UVRAG: variants seen among roughly 807,000 people sequenced by gnomAD.
UVRAG encodes UV radiation resistance associated, also known as UV radiation resistance-associated gene protein.
In UVRAG, 19 loss-of-function variants were observed where a neutral mutation model predicts 78.0. The ratio of observed to expected loss-of-function variants is 0.24; its 90% CI spans 0.17 to 0.36. The LOEUF is 0.36. UVRAG is among the 10% of genes least tolerant of loss of function. UVRAG has a pLI of 1.00. For synonymous variants in UVRAG, 323 were observed against 324.6 expected, an observed-to-expected ratio of 1.00 and a Z score of 0.05; for missense variants, 740 against 853.8, an observed-to-expected ratio of 0.87 and a Z score of 1.66.
intron 14 of UVRAG, among the ~76,000 whole-genome samples, chr11:76,117,166 C>A (rs2134469999): frequency 6.6e-6 from 1 of 152,276 alleles, no homozygotes; most frequent in Non-Finnish European, 1.5e-5. Flanking sequence ...AAAGCTCAAG[C>A]CCTGTCCCCA....
At chr11:76,071,491 A>C (rs929366081) in intron 13 of UVRAG, among the ~76,000 whole-genome samples, 2 of 152,172 alleles carry the variant, frequency 1.3e-5, no homozygotes, top group Non-Finnish European at 2.9e-5. Context: ...TTCTAAATAC[A>C]AAGGGAAACC....
chr11:75,815,243 ACGGCGGCAG>A lies in UVRAG; in HGVS notation c.-148_-140del, dbSNP rs770357399. 542 of 451,218 alleles carry A rather than the reference ACGGCGGCAG, an allele frequency of 1.2e-3. No individual in the cohort carries two copies. Among genetic ancestry groups the A allele is most frequent in the African/African-American group, 4.0e-3 (196 of 48,830 alleles). The allele number at this position is 451,218 out of a possible 1,614,324, so 28.0% of individuals were successfully genotyped here. On this transcript the variant is annotated 5_prime_UTR_variant, in exon 1 of 15. Coordinates refer to ENST00000356136, the MANE Select transcript of UVRAG (RefSeq NM_003369.4). Reference sequence around the variant, plus strand: ...GGCTCTTCCTTAGCCAGCGGCGGCAACGGCGGCAGCGGCGGCAGCGGCGGCGGCTACTGT... The same window carrying A: ...GGCTCTTCCTTAGCCAGCGGCGGCAACGGCGGCAGCGGCGGCGGCTACTGT...
In UVRAG at chr11:76,008,803, A is replaced by G; in HGVS notation, c.1000-4A>G. 1 of 1,438,520 alleles carries G rather than the reference A, an allele frequency of 7.0e-7. No individual in the cohort carries two copies. Among genetic ancestry groups the G allele is most frequent in the Non-Finnish European group, 9.4e-7 (1 of 1,065,014 alleles). 89.1% of individuals were successfully genotyped at this position (1,438,520 alleles called of 1,614,324 possible). A position where few individuals can be genotyped will look rare whatever the true frequency, so the allele number is the denominator to read the frequency against. On this transcript the variant is annotated splice_polypyrimidine_tract_variant and splice_region_variant and intron_variant, in intron 10 of 14. Transcript: ENST00000356136. ...TTAATTTTATTCTTTAATTAAATTC[A>G]CAGAATGAACATAAGGATTACTTTG...
At chr11:76,035,655 T>C (rs1341174410) in intron 12 of UVRAG, among the ~76,000 whole-genome samples, 1 of 152,206 alleles carries the variant, frequency 6.6e-6, no homozygotes, top group Non-Finnish European at 1.5e-5. Context: ...TATTGATAGG[T>C]CTTTGTGATT....
chr11:75,838,504 ATTTC>A (rs1490520861), intron 1 of UVRAG, among the ~76,000 whole-genome samples: 1 of 151,494 alleles, frequency 6.6e-6, no homozygotes, highest in Non-Finnish European at 1.5e-5. Context: ...CACCCAGCTA[ATTTC>A]TAAGTTTTTC....
At chr11:76,070,019 CAAG>C (rs1428093312) in intron 13 of UVRAG, among the ~76,000 whole-genome samples, 9 of 152,242 alleles carry the variant, frequency 5.9e-5, no homozygotes, top group Admixed American at 1.3e-4. Flanking sequence ...CACCATCACA[CAAG>C]AAACTAAGAT....
Position 76,078,752 on chromosome 11 carries a change from C to CAAA in UVRAG, c.1305+12989_1305+12991dup, listed in dbSNP as rs61700855. On this transcript the variant is annotated intron_variant, in intron 13 of 14. Coordinates refer to ENST00000356136, the MANE Select transcript of UVRAG (RefSeq NM_003369.4). ...CCCTGTCTTTACTCTACTAAAAATA[C>CAAA]AAAAAAAAAAAAAAAAAAAAAAAAA... 6.9e-3 allele frequency among the ~76,000 whole-genome samples: 256 copies of CAAA among 37,198 alleles called. 4 individuals are homozygous for CAAA. The highest frequency in any genetic ancestry group is 0.014 in the Non-Finnish European group (222 of 15,906). 24.4% of individuals were successfully genotyped at this position (37,198 alleles called of 152,430 possible).
intron 12 of UVRAG, among the ~76,000 whole-genome samples, chr11:76,050,349 CTA>C (rs2134349010): frequency 1.3e-5 from 2 of 152,260 alleles, no homozygotes; most frequent in East Asian, 1.9e-4. Flanking sequence ...ATTCACAGAA[CTA>C]TATGTTACTT....
intron 1 of UVRAG, among the ~76,000 whole-genome samples, chr11:75,833,432 T>TTACA (rs1313420570): frequency 3.3e-5 from 5 of 152,254 alleles, no homozygotes; most frequent in African/African-American, 1.2e-4. Flanking sequence ...TTTAAAGTTG[T>TTACA]TACATACATC....
At chr11:75,826,909 G>A (rs1277529608) in intron 1 of UVRAG, among the ~76,000 whole-genome samples, 2 of 152,122 alleles carry the variant, frequency 1.3e-5, no homozygotes, top group African/African-American at 4.8e-5. Context: ...TTGATTGAGA[G>A]GCTGAGACTG....
chr11:75,933,612 G>C lies in UVRAG; in HGVS notation c.593+21573G>C, dbSNP rs142179990. On this transcript the variant is annotated intron_variant, in intron 6 of 14. Coordinates refer to ENST00000356136, the MANE Select transcript of UVRAG (RefSeq NM_003369.4). ...TTTGCAAACTACCCATCTGACAAGG[G>C]ATTAATAACCAGAATGTATAAGGAG... Among the ~76,000 whole-genome samples the C allele has an allele frequency of 4.2e-3, 633 of 152,174 alleles. 4 individuals carry two copies. The highest frequency in any genetic ancestry group is 0.015 in the African/African-American group (609 of 41,530).
chr11:75,964,438 A>C (rs1208628142), intron 7 of UVRAG, among the ~76,000 whole-genome samples: 1 of 152,170 alleles, frequency 6.6e-6, no homozygotes, highest in Non-Finnish European at 1.5e-5. Flanking sequence ...CTTTTGCATT[A>C]ACTTTTGTAG....
At chr11:76,125,326 C>T (rs1231345805) in intron 14 of UVRAG, among the ~76,000 whole-genome samples, 1 of 152,142 alleles carries the variant, frequency 6.6e-6, no homozygotes, top group Non-Finnish European at 1.5e-5. Context: ...TCTAAGATAG[C>T]TGTTTCAGAA....
intron 13 of UVRAG, among the ~76,000 whole-genome samples, chr11:76,100,224 T>A (rs886697835): frequency 6.6e-6 from 1 of 152,092 alleles, no homozygotes; most frequent in African/African-American, 2.4e-5. Context: ...GGAGATAAAG[T>A]CAGAAATGAT....
rs1284685568 is a variant in UVRAG at position 75,823,908 on chromosome 11, T to C, written c.117+8384T>C. Reference sequence around the variant, plus strand: ...GAGAACAAGGAAAGATTGGATTCAGTGGTATTGAAACCCATGCAAAAAAAC... The same window carrying C: ...GAGAACAAGGAAAGATTGGATTCAGCGGTATTGAAACCCATGCAAAAAAAC... On this transcript the variant is annotated intron_variant, in intron 1 of 14. Coordinates refer to ENST00000356136, the MANE Select transcript of UVRAG (RefSeq NM_003369.4). 4.6e-5 allele frequency among the ~76,000 whole-genome samples: 7 copies of C among 152,198 alleles called. No individual in the cohort carries two copies. The East Asian group carries it at 1.3e-3, about 29-fold the overall frequency.
intron 3 of UVRAG, among the ~76,000 whole-genome samples, chr11:75,862,796 T>C (rs1946451030): frequency 6.6e-6 from 1 of 152,258 alleles, no homozygotes; most frequent in South Asian, 2.1e-4. Flanking sequence ...TTTGTGTTTA[T>C]GAACTGCCTC....
chr11:75,996,767 G>A (rs937758098), intron 8 of UVRAG, among the ~76,000 whole-genome samples: 6 of 152,162 alleles, frequency 3.9e-5, no homozygotes, highest in African/African-American at 1.4e-4. Context: ...AGTCTTGAAA[G>A]TAGCATAGGT....
At chr11:76,117,879 G>A (rs1174780852) in intron 14 of UVRAG, among the ~76,000 whole-genome samples, 2 of 152,192 alleles carry the variant, frequency 1.3e-5, no homozygotes, top group Admixed American at 1.3e-4. Flanking sequence ...CTAAAGCCAT[G>A]TTCCTTCATA....
intron 5 of UVRAG, among the ~76,000 whole-genome samples, chr11:75,899,228 A>G (rs117988114): frequency 1.1e-4 from 17 of 152,312 alleles, no homozygotes; most frequent in Non-Finnish European, 1.9e-4. Flanking sequence ...AATCCAGGGT[A>G]AAATTTTATT....
Sources: gnomAD v4.1 joint callset for allele counts (sites outside exome capture counted in the v4.1 genomes callset) on GRCh38, gnomAD v4.1.1 for gene constraint, MANE v1.5 for transcripts, NCBI Gene and HGNC (gene_info 2026-07-23, HGNC 2026-07-21) for gene names.